The following FAM221B variants were observed in gnomAD, a reference collection of about 807,000 sequenced individuals.
FAM221B encodes family with sequence similarity 221 member B.
A neutral mutation model predicts 39.8 loss-of-function variants in FAM221B; 35 were observed. The observed-to-expected ratio is 0.88, with a 90% CI of 0.67 to 1.17. The LOEUF (loss-of-function observed/expected upper bound fraction) is 1.17. Among genes scored for constraint, FAM221B ranks in the 50% most tolerant of loss-of-function variants. FAM221B has a pLI of 0.00. For missense variants in FAM221B, 479 were observed against 503.1 expected (o/e 0.95, Z 0.46); for synonymous variants, 158 against 178.1 (o/e 0.89, Z 0.90).
intron 1 of FAM221B, 90 bp from the exon 2 acceptor site, chr9:35,826,251 G>C: frequency 1.0e-6 from 1 of 965,696 alleles, no homozygotes; most frequent in Non-Finnish European, 1.6e-6. Flanking sequence ...GTGCATTATG[G>C]AATTTGGATA....
At chr9:35,819,175 C>T (rs550840365) in intron 5 of FAM221B, 22 bp downstream of exon 5, 4 of 1,547,372 alleles carry the variant, frequency 2.6e-6, no homozygotes, top group African/African-American at 2.7e-5. Flanking sequence ...GCTCCCAATA[C>T]ACCTCTTGCC....
At position 35,825,999 on chromosome 9, in the gene FAM221B, C is replaced by T; in HGVS notation, c.163G>A (p.Glu55Lys). 2 of 1,614,042 alleles carry T rather than the reference C, an allele frequency of 1.2e-6. No individual in the cohort carries two copies. Residue 55 changes from glutamate to lysine, a missense_variant, in exon 2 of 7, where the codon GAA (glutamate) becomes AAA (lysine). Glu to Lys is a moderately conservative substitution (Grantham distance 56, BLOSUM62 1). Transcript: ENST00000423537. This position sits in a 1 kb window ranked among gnomAD's most constrained non-coding sequence, Gnocchi z 4.2. ...GAAGGGGATGGCACCAAAGGGGATT[C>T]AGAGGTATGGGGCTCTAACGGGGTC... ...SETPLEPHTS[E>K]SPLVPSPSQI...
rs1182040314 is a variant in FAM221B at position 35,828,540 on chromosome 9, C to T, written c.-78G>A. On this transcript the variant is annotated 5_prime_UTR_variant, in exon 1 of 7. Transcript: ENST00000423537. The surrounding 1 kb of genome is among the most constrained non-coding windows in gnomAD (Gnocchi z 4.5). ...AGGATGGCAGGGGGAGGTGTTGATCCTCAGGGAGGAAAGGCTCTTGGTTGT... is the reference window on the plus strand; with the variant it reads ...AGGATGGCAGGGGGAGGTGTTGATCTTCAGGGAGGAAAGGCTCTTGGTTGT... The T allele has an allele frequency of 1.0e-6, 1 of 985,426 alleles. No homozygotes were observed. Among genetic ancestry groups the T allele is most frequent in the Non-Finnish European group, 1.2e-6 (1 of 829,984 alleles). The allele number at this position is 985,426 out of a possible 1,614,324, so 61.0% of individuals were successfully genotyped here. A position where few individuals can be genotyped will look rare whatever the true frequency, so the allele number is the denominator to read the frequency against.
chr9:35,819,162 C>G, intron 5 of FAM221B, 35 bp downstream of exon 5: 4 of 1,542,918 alleles, frequency 2.6e-6, no homozygotes, highest in Non-Finnish European at 3.5e-6. Flanking sequence ...CCCCACCTAC[C>G]CTGCTCCCAA....
In FAM221B at chr9:35,825,080, TG is replaced by T; in HGVS notation, c.742+149del. 1.2e-6 allele frequency: 1 copy of T among 851,882 alleles called. No individual in the cohort carries two copies. Among genetic ancestry groups the T allele is most frequent in the Non-Finnish European group, 1.8e-6 (1 of 559,518 alleles). The allele number at this position is 851,882 out of a possible 1,614,324, so 52.8% of individuals were successfully genotyped here. A position where few individuals can be genotyped will look rare whatever the true frequency, so the allele number is the denominator to read the frequency against. On this transcript the variant is annotated intron_variant, in intron 3 of 6. Transcript: ENST00000423537. The surrounding 1 kb of genome is among the most constrained non-coding windows in gnomAD (Gnocchi z 4.2). ...TGTCTGCATCCACCCTTGTATTCCT[TG>T]GCCCACTTGCCTGCTCCTTTTCCAG...
intron 3 of FAM221B, chr9:35,821,509 T>C (rs781216860): frequency 5.1e-6 from 7 of 1,367,812 alleles, no homozygotes; most frequent in Admixed American, 3.8e-5. Context: ...TTGATGCTGA[T>C]TGCCTGTAGT....
At position 35,825,703 on chromosome 9, in the gene FAM221B, T is replaced by C. The variant is rs759668983; in HGVS notation, c.459A>G (p.Pro153=). ...STHLSESESL[P]EHCLSGPSSQ... is the part of the protein sequence containing the mutation. ...ATGAAGGGCCTGAAAGACAGTGTTC[T>C]GGAAGGCTCTCAGATTCAGAGAGAT... Residue 153 remains proline (P), a synonymous_variant, in exon 2 of 7, where the codon CCA becomes CCG. Transcript: ENST00000423537. The surrounding 1 kb of genome is among the most constrained non-coding windows in gnomAD (Gnocchi z 4.2). 1.1e-5 allele frequency: 18 copies of C among 1,614,114 alleles called. No homozygotes were observed. The highest frequency in any genetic ancestry group is 1.4e-5 in the Non-Finnish European group (17 of 1,180,050).
Position 35,819,941 on chromosome 9 carries a change from C to T in FAM221B, c.802G>A (p.Glu268Lys). The T allele has an allele frequency of 1.2e-6, 2 of 1,614,166 alleles. No individual in the cohort carries two copies. Among genetic ancestry groups the T allele is most frequent in the African/African-American group, 1.3e-5 (1 of 75,032 alleles). The change falls in exon 4 of 7, where the codon GAG (glutamate) becomes AAG (lysine). Residue 268 changes from glutamate to lysine, a missense_variant. Physicochemically the swap from Glu to Lys is moderately conservative, Grantham distance 56. Transcript: ENST00000423537. Reference sequence around the variant, plus strand: ...AAGTGTCCACAAAAGCATCTGGACTCATCCCCAATCCGGAAACAGTCCCAT... The same window carrying T: ...AAGTGTCCACAAAAGCATCTGGACTTATCCCCAATCCGGAAACAGTCCCAT... ...YLWDCFRIGDESRCFCGHLLR... is the reference protein window; with the variant it reads ...YLWDCFRIGDKSRCFCGHLLR...
chr9:35,822,067 A>G (rs547741554), intron 3 of FAM221B, among the ~76,000 whole-genome samples: 12 of 152,210 alleles, frequency 7.9e-5, no homozygotes, highest in Non-Finnish European at 1.5e-4. Flanking sequence ...TACAGGAACA[A>G]TGTCTCCAGC....
At chr9:35,822,893 C>T (rs981955821) in intron 3 of FAM221B, among the ~76,000 whole-genome samples, 3 of 152,194 alleles carry the variant, frequency 2.0e-5, no homozygotes, top group South Asian at 2.1e-4. Flanking sequence ...AACAGAAATT[C>T]GTTCATGTTA....
chr9:35,825,393 G>C lies in FAM221B; in HGVS notation c.599-20C>G. 6.2e-7 allele frequency: 1 copy of C among 1,613,678 alleles called. No individual in the cohort carries two copies. Among genetic ancestry groups the C allele is most frequent in the Non-Finnish European group, 8.5e-7 (1 of 1,179,958 alleles). On this transcript the variant is annotated intron_variant, in intron 2 of 6. Coordinates refer to ENST00000423537, the MANE Select transcript of FAM221B (RefSeq NM_001012446.4). The surrounding 1 kb of genome is among the most constrained non-coding windows in gnomAD (Gnocchi z 4.2). ...TGTTACCTAGGATGGGAGAGGATGA[G>C]TAACCAGGGGGAAGTGAGAAGGCCC...
rs969561928 is a variant in FAM221B at position 35,816,767 on chromosome 9, G to A, written c.*1702C>T. On this transcript the variant is annotated 3_prime_UTR_variant, in exon 7 of 7. Transcript: ENST00000423537. ...TTAGAAAATCCTTTCTCCTCTAAAG[G>A]GCAGACATTTGATTCTGTGATTTTC... The A allele has an allele frequency of 1.3e-5, 2 of 152,158 alleles. No homozygotes were observed. The highest frequency in any genetic ancestry group is 4.8e-5 in the African/African-American group (2 of 41,416). The allele number at this position is 152,158 out of a possible 1,614,324, so 9.4% of individuals were successfully genotyped here.
At chr9:35,821,450 A>C (rs141521993) in intron 3 of FAM221B, 15 of 1,367,878 alleles carry the variant, frequency 1.1e-5, no homozygotes, top group Middle Eastern at 2.1e-4. Flanking sequence ...ATAGTCTGTC[A>C]GGATCTAAAG....
intron 3 of FAM221B, among the ~76,000 whole-genome samples, chr9:35,824,478 C>A (rs1241192654): frequency 6.6e-6 from 1 of 152,062 alleles, no homozygotes; most frequent in African/African-American, 2.4e-5. Context: ...TTTTGGGTAC[C>A]CAGCATGGGC....
At chr9:35,819,795 G>A (rs945804280) in intron 4 of FAM221B, 95 bp downstream of exon 4, 27 of 848,550 alleles carry the variant, frequency 3.2e-5, no homozygotes, top group Admixed American at 1.9e-4. Flanking sequence ...GTGAGCCACC[G>A]TGCCCAGCCA....
At chr9:35,822,258 A>T (rs1182029134) in intron 3 of FAM221B, among the ~76,000 whole-genome samples, 1 of 152,196 alleles carries the variant, frequency 6.6e-6, no homozygotes, top group Non-Finnish European at 1.5e-5. Context: ...TTTTCTAGGC[A>T]TTCAGTTAAT....
rs1355164094 is a variant in FAM221B, at chr9:35,819,212, G to A, written c.1036C>T (p.Pro346Ser). The A allele has an allele frequency of 5.8e-6, 9 of 1,551,582 alleles. No homozygotes were observed. The highest frequency in any genetic ancestry group is 7.8e-6 in the Non-Finnish European group (9 of 1,146,934). Reference protein sequence around the residue: ...HEEHAATGPHPCRHHGCCCGC... With the variant: ...HEEHAATGPHSCRHHGCCCGC... ...TAGAAGTTACCATGATGCCTGCAGG[G>A]ATGGGGCCCAGTGGCTGCATGTTCT... is the stretch of plus-strand genomic sequence containing the variant. The change falls in exon 5 of 7, where the codon CCC (proline) becomes TCC (serine). Residue 346 changes from proline (P) to serine (S), a missense_variant. Coordinates refer to ENST00000423537, the MANE Select transcript of FAM221B (RefSeq NM_001012446.4).
chr9:35,828,662 G>C lies in FAM221B; in HGVS notation c.-200C>G. 1 of 985,562 alleles carries C rather than the reference G, an allele frequency of 1.0e-6. No homozygotes were observed. The highest frequency in any genetic ancestry group is 1.2e-6 in the Non-Finnish European group (1 of 830,012). The allele number at this position is 985,562 out of a possible 1,614,324, so 61.1% of individuals were successfully genotyped here. On this transcript the variant is annotated 5_prime_UTR_variant, in exon 1 of 7. Transcript: ENST00000423537. The surrounding 1 kb of genome is among the most constrained non-coding windows in gnomAD (Gnocchi z 4.5). ...TTGGATATCTGCAGAACTTCGCAAA[G>C]GAGCTCTGGCATGACCTGGGGAAGT...
At position 35,819,798 on chromosome 9, in the gene FAM221B, C is replaced by T. The variant is rs2132137872; in HGVS notation, c.853+92G>A. The T allele has an allele frequency of 4.5e-6, 4 of 893,314 alleles. No individual in the cohort carries two copies. The South Asian group carries it at 4.5e-5, about 10-fold the overall frequency. 55.3% of individuals were successfully genotyped at this position (893,314 alleles called of 1,614,324 possible). On this transcript the variant is annotated intron_variant, in intron 4 of 6. Coordinates refer to ENST00000423537, the MANE Select transcript of FAM221B (RefSeq NM_001012446.4). The stretch of plus-strand genomic sequence containing the variant: ...GGGATTACAGGGGTGAGCCACCGTG[C>T]CCAGCCACATGCTCTCTCTCATACT...
Sources: gnomAD v4.1 joint callset for allele counts (sites outside exome capture counted in the v4.1 genomes callset) on GRCh38, gnomAD v4.1.1 for gene constraint, Gnocchi (gnomAD v3.1) non-coding constraint, MANE v1.5 for transcripts, NCBI Gene and HGNC (gene_info 2026-07-23, HGNC 2026-07-21) for gene names.